Variants in PRDM11 observed in about 807,000 individuals in gnomAD.
PRDM11 encodes the protein PR/SET domain 11.
PRDM11 carries 20 observed loss-of-function variants against 97.8 expected under a neutral mutation model. The observed-to-expected ratio is 0.20, with a 90% CI of 0.14 to 0.30. The LOEUF (loss-of-function observed/expected upper bound fraction) is 0.30, where lower values mean the gene tolerates loss of function less well. PRDM11 is among the 10% of genes least tolerant of loss of function. PRDM11 has a pLI of 1.00. For missense variants in PRDM11, 1,139 were observed against 1,555.2 expected (o/e 0.73, Z 4.50); for synonymous variants, 599 against 637.7 (o/e 0.94, Z 0.91).
chr11:45,202,861 G>T (rs1853377845), intron 4 of PRDM11, among the ~76,000 whole-genome samples: 1 of 152,150 alleles, frequency 6.6e-6, no homozygotes, highest in Non-Finnish European at 1.5e-5. Context: ...AATATTTCAT[G>T]ATTATTGTTA....
At chr11:45,141,648 A>G (rs890203713), upstream of PRDM11, among the ~76,000 whole-genome samples, 7 of 152,104 alleles carry the variant, frequency 4.6e-5, no homozygotes, top group African/African-American at 9.7e-5. Context: ...TTGCTCCCCA[A>G]CCTGACCAAC....
intron 1 of PRDM11, among the ~76,000 whole-genome samples, chr11:45,157,546 C>CA (rs1851829717): frequency 6.6e-6 from 1 of 152,156 alleles, no homozygotes; most frequent in Non-Finnish European, 1.5e-5. Flanking sequence ...CTTAGAGGAC[C>CA]AAAGAGGCCA....
chr11:45,184,171 C>T (rs1310779604), intron 4 of PRDM11, among the ~76,000 whole-genome samples: 1 of 152,140 alleles, frequency 6.6e-6, no homozygotes, highest in Non-Finnish European at 1.5e-5. Context: ...GGCCCTGTGG[C>T]AGGAGAGCAT....
intron 1 of PRDM11, among the ~76,000 whole-genome samples, chr11:45,150,256 AGGCT>A (rs983830116): frequency 1.1e-4 from 16 of 152,062 alleles, no homozygotes; most frequent in Non-Finnish European, 2.1e-4. Context: ...CTCCCTGATT[AGGCT>A]GAATTCCCTT....
chr11:45,123,121 T>G (rs1361365283), intron 1 of PRDM11, among the ~76,000 whole-genome samples: 1 of 152,128 alleles, frequency 6.6e-6, no homozygotes, highest in African/African-American at 2.4e-5. Context: ...TCATGTGTTT[T>G]TTGGCTGCAT....
At chr11:45,194,117 G>A (rs1376389369) in intron 4 of PRDM11, among the ~76,000 whole-genome samples, 1 of 152,228 alleles carries the variant, frequency 6.6e-6, no homozygotes, top group Non-Finnish European at 1.5e-5. Flanking sequence ...TGTGGCAAAA[G>A]GTGGTACGGA....
intron 5 of PRDM11, among the ~76,000 whole-genome samples, chr11:45,215,227 C>A (rs1306734378): frequency 1.3e-5 from 2 of 152,264 alleles, no homozygotes; most frequent in Non-Finnish European, 2.9e-5. Context: ...CTCAAAGTAA[C>A]CAAAGCTGCC....
intron 4 of PRDM11, among the ~76,000 whole-genome samples, chr11:45,203,940 G>C (rs1156948085): frequency 1.3e-5 from 2 of 152,204 alleles, no homozygotes; most frequent in Non-Finnish European, 2.9e-5. Flanking sequence ...CAAGTAGTAA[G>C]GAGAATTTCA....
intron 1 of PRDM11, among the ~76,000 whole-genome samples, chr11:45,133,611 C>T (rs1280550975): frequency 1.3e-5 from 2 of 152,310 alleles, no homozygotes; most frequent in African/African-American, 2.4e-5. Flanking sequence ...CGCTGAGTTT[C>T]GGGCACTGGC....
At chr11:45,199,139 G>T (rs1025208276) in intron 4 of PRDM11, among the ~76,000 whole-genome samples, 2 of 152,144 alleles carry the variant, frequency 1.3e-5, no homozygotes, top group Non-Finnish European at 1.5e-5. Flanking sequence ...CGCTCAGGGG[G>T]CCAAACTCCA....
intron 1 of PRDM11, among the ~76,000 whole-genome samples, chr11:45,128,483 T>C (rs1361303491): frequency 6.6e-6 from 1 of 152,106 alleles, no homozygotes; most frequent in Admixed American, 6.5e-5. Context: ...TATTCAGCCA[T>C]CTTGGCTACA....
intron 1 of PRDM11, among the ~76,000 whole-genome samples, chr11:45,134,701 G>GAAAAAAAAAAAAAAAAAAAAAAAAAAA (rs1191008824): frequency 6.8e-5 from 3 of 44,262 alleles, no homozygotes; most frequent in South Asian, 1.4e-3. Flanking sequence ...CCTGTCTCAC[G>GAAAAAAAAAAAAAAAAAAAAAAAAAAA]AAAAAAAAAA....
intron 4 of PRDM11, among the ~76,000 whole-genome samples, chr11:45,202,300 C>T (rs1331698821): frequency 3.3e-5 from 5 of 152,112 alleles, no homozygotes; most frequent in African/African-American, 4.8e-5. Flanking sequence ...GTTACCAAAT[C>T]GACAAATAGA....
chr11:45,100,562 T>A (rs1294213073), intron 1 of PRDM11, among the ~76,000 whole-genome samples: 1 of 152,214 alleles, frequency 6.6e-6, no homozygotes. Context: ...CATCATCATC[T>A]GCTGCTGCTG....
At position 45,230,255 on chromosome 11, in the gene PRDM11, C is replaced by A. The variant is rs1451714567; in HGVS notation, c.*2096C>A. On this transcript the variant is annotated 3_prime_UTR_variant, in exon 8 of 8. Transcript: ENST00000683152. The stretch of plus-strand genomic sequence containing the variant: ...TCCCACTGCCAGGCCTCATATGCTG[C>A]CTTCTTCAACAAATCAATGCACCCC... 1 of 152,044 alleles carries A rather than the reference C, an allele frequency of 6.6e-6. No homozygotes were observed. The highest frequency in any genetic ancestry group is 1.5e-5 in the Non-Finnish European group (1 of 68,004). 9.4% of individuals were successfully genotyped at this position (152,044 alleles called of 1,614,324 possible). A position where few individuals can be genotyped will look rare whatever the true frequency, so the allele number is the denominator to read the frequency against.
chr11:45,140,822 C>T (rs1398781338), intron 1 of PRDM11, among the ~76,000 whole-genome samples: 1 of 152,080 alleles, frequency 6.6e-6, no homozygotes, highest in Non-Finnish European at 1.5e-5. Context: ...CTCTAGCAAC[C>T]CTCTACAAGA....
intron 1 of PRDM11, among the ~76,000 whole-genome samples, chr11:45,107,461 G>A (rs1401878613): frequency 6.6e-6 from 1 of 152,214 alleles, no homozygotes; most frequent in East Asian, 1.9e-4. Context: ...GATACACATG[G>A]TTTTGTGTAT....
At chr11:45,197,586 A>C (rs190690410) in intron 4 of PRDM11, among the ~76,000 whole-genome samples, 1 of 152,318 alleles carries the variant, frequency 6.6e-6, no homozygotes, top group Admixed American at 6.5e-5. Context: ...ACGGTTTGAC[A>C]GGTGTACACT....
At position 45,227,438 on chromosome 11, in the gene PRDM11, G is replaced by A. The variant is rs1590483564; in HGVS notation, c.2813G>A (p.Arg938Gln). ...CTGCAGGAGTTCGAGGAGAATTTCC[G>A]AGAGAGCTTCAACGGGATCGCCATG... ...EYLQEFEENF[R>Q]ESFNGIAMKN... Residue 938 changes from arginine (R) to glutamine (Q), a missense_variant, in exon 8 of 8, where the codon CGA (arginine) becomes CAA (glutamine). Physicochemically the swap from Arg to Gln is conservative, Grantham distance 43. Coordinates refer to ENST00000683152, the MANE Select transcript of PRDM11 (RefSeq NM_001384648.1). The surrounding 1 kb of genome is among the most constrained non-coding windows in gnomAD (Gnocchi z 8.0). 22 of 1,533,846 alleles carry A rather than the reference G, an allele frequency of 1.4e-5. No individual in the cohort carries two copies. Among genetic ancestry groups the A allele is most frequent in the Admixed American group, 5.9e-5 (3 of 50,996 alleles).
Sources: allele counts gnomAD v4.1 joint callset (sites outside exome capture counted in the v4.1 genomes callset), GRCh38; gene constraint gnomAD v4.1.1; non-coding constraint Gnocchi (gnomAD v3.1); transcripts MANE v1.5; gene names NCBI Gene and HGNC (gene_info 2026-07-23, HGNC 2026-07-21).